Variants in CTNNA2 observed in about 807,000 individuals in gnomAD.
CTNNA2 encodes catenin alpha-2.
Under a neutral mutation model 101.0 loss-of-function variants are expected in CTNNA2, and 42 were observed. That is an observed-to-expected ratio of 0.42 (90% CI 0.32 to 0.54). CTNNA2 has a LOEUF of 0.54. Ranked by LOEUF, CTNNA2 falls within the 20% of genes least tolerant of loss-of-function variation. The pLI is 0.14. For synonymous variants in CTNNA2, 450 were observed against 456.4 expected, an observed-to-expected ratio of 0.99 and a Z score of 0.18; for missense variants, 871 against 1,223.1, an observed-to-expected ratio of 0.71 and a Z score of 4.29.
intron 6 of CTNNA2, among the ~76,000 whole-genome samples, chr2:79,900,172 C>A (rs1211802746): frequency 2.0e-5 from 3 of 152,138 alleles, no homozygotes; most frequent in Non-Finnish European, 2.9e-5. Context: ...CTTTCATTCT[C>A]AATTTTCAGT....
intron 1 of CTNNA2, among the ~76,000 whole-genome samples, chr2:79,559,759 G>A (rs1674660138): frequency 6.6e-6 from 1 of 151,776 alleles, no homozygotes; most frequent in South Asian, 2.1e-4. Context: ...CAGAACTGGA[G>A]ATAAAGACTT....
chr2:79,370,062 T>A (rs576513846), intron 3 of CTNNA2, among the ~76,000 whole-genome samples: 2 of 152,276 alleles, frequency 1.3e-5, no homozygotes, highest in Admixed American at 6.5e-5. Context: ...CCTTGTAGAA[T>A]GTTAAATAGA....
intron 7 of CTNNA2, chr2:80,304,932 G>T: frequency 8.0e-6 from 2 of 248,864 alleles, no homozygotes; most frequent in Non-Finnish European, 1.2e-5. Context: ...AAAAAAAAAG[G>T]AGGGGGGAGG....
At chr2:79,480,571 C>G (rs563595334) in intron 4 of CTNNA2, among the ~76,000 whole-genome samples, 98 of 152,242 alleles carry the variant, frequency 6.4e-4, no homozygotes, top group Non-Finnish European at 1.2e-3. Flanking sequence ...GATGCATCTT[C>G]TACATTTGTT....
At chr2:80,269,642 AT>A (rs989480334) in intron 7 of CTNNA2, among the ~76,000 whole-genome samples, 3 of 151,938 alleles carry the variant, frequency 2.0e-5, no homozygotes, top group East Asian at 1.9e-4. Flanking sequence ...TCAACTATGA[AT>A]TTTTTTTCAA....
chr2:80,562,398 C>A (rs1273006872), intron 12 of CTNNA2, among the ~76,000 whole-genome samples: 2 of 152,038 alleles, frequency 1.3e-5, no homozygotes, highest in East Asian at 3.9e-4. Flanking sequence ...AAGATAAATG[C>A]AAATTAAAAA....
chr2:79,709,515 A>T (rs573677939), intron 2 of CTNNA2, among the ~76,000 whole-genome samples: 1 of 152,112 alleles, frequency 6.6e-6, no homozygotes, highest in Non-Finnish European at 1.5e-5. Flanking sequence ...GGGTGATATG[A>T]TAAAGTACTT....
intron 7 of CTNNA2, among the ~76,000 whole-genome samples, chr2:80,034,326 T>C (rs1234108092): frequency 6.7e-6 from 1 of 150,048 alleles, no homozygotes; most frequent in Non-Finnish European, 1.5e-5. Context: ...CTTAACCATA[T>C]GAAAAATGCT....
At chr2:79,861,365 T>C (rs987330178) in intron 4 of CTNNA2, among the ~76,000 whole-genome samples, 1 of 152,212 alleles carries the variant, frequency 6.6e-6, no homozygotes, top group African/African-American at 2.4e-5. Flanking sequence ...ATTACCTTTT[T>C]CCGCAGCAAC....
intron 9 of CTNNA2, among the ~76,000 whole-genome samples, chr2:80,429,587 C>T (rs1157625534): frequency 2.0e-5 from 3 of 152,150 alleles, no homozygotes; most frequent in East Asian, 1.9e-4. Context: ...CTGATGTTGG[C>T]GTAATTGTAT....
Position 80,245,822 on chromosome 2 carries a change from T to TTTTTG in CTNNA2, c.1057-147388_1057-147387insTTTGT, listed in dbSNP as rs1558937542. Among the ~76,000 whole-genome samples, 399 of 135,526 alleles carry TTTTTG rather than the reference T, an allele frequency of 2.9e-3. 6 individuals are homozygous for TTTTTG. Among genetic ancestry groups the TTTTTG allele is most frequent in the African/African-American group, 0.011 (381 of 34,704 alleles). 88.9% of individuals were successfully genotyped at this position (135,526 alleles called of 152,430 possible). On this transcript the variant is annotated intron_variant, in intron 7 of 18. Transcript: ENST00000402739. ...TTTTTTTTTTTTTTTTTTTTTTTTT[T>TTTTTG]TGCACTCTGTAGCCCAGGCTGGAGT...
intron 12 of CTNNA2, among the ~76,000 whole-genome samples, chr2:80,573,962 A>G (rs1303657370): frequency 6.6e-6 from 1 of 152,124 alleles, no homozygotes; most frequent in East Asian, 1.9e-4. Context: ...TAGAATAACA[A>G]TTGGGAAAGT....
rs150347596 is a variant in CTNNA2, at chr2:80,077,325, G to A, written c.1056+167528G>A. Among the ~76,000 whole-genome samples, 4 of 152,268 alleles carry A rather than the reference G, an allele frequency of 2.6e-5. No homozygotes were observed. The East Asian group carries it at 7.7e-4, about 29-fold the overall frequency. Reference sequence around the variant, plus strand: ...ATTTAGAATGAATTATACATTAATTGTTGTGGCACCTTTATTCATAATAGC... The same window carrying A: ...ATTTAGAATGAATTATACATTAATTATTGTGGCACCTTTATTCATAATAGC... On this transcript the variant is annotated intron_variant, in intron 7 of 18. Coordinates refer to ENST00000402739, the MANE Select transcript of CTNNA2 (RefSeq NM_001282597.3).
intron 2 of CTNNA2, among the ~76,000 whole-genome samples, chr2:79,224,412 C>G (rs1217705197): frequency 6.6e-6 from 1 of 152,100 alleles, no homozygotes; most frequent in Non-Finnish European, 1.5e-5. Flanking sequence ...ATCTATCACC[C>G]AGGTTCCACA....
At chr2:79,646,674 A>AT (rs1198125005) in intron 1 of CTNNA2, among the ~76,000 whole-genome samples, 1 of 151,492 alleles carries the variant, frequency 6.6e-6, no homozygotes. Flanking sequence ...GGACTACAAT[A>AT]TTGTGCCACC....
intron 4 of CTNNA2, among the ~76,000 whole-genome samples, chr2:79,478,223 G>A (rs139218216): frequency 4.1e-4 from 63 of 152,198 alleles, no homozygotes; most frequent in Middle Eastern, 6.8e-3. Context: ...AACCAGCTGC[G>A]TGCTCAACAA....
At chr2:79,374,619 TA>T (rs1468577621) in intron 4 of CTNNA2, among the ~76,000 whole-genome samples, 2 of 152,180 alleles carry the variant, frequency 1.3e-5, no homozygotes, top group African/African-American at 4.8e-5. Context: ...AGATGATGTA[TA>T]TTTTTTATCT....
chr2:79,875,119 T>C (rs1179306943), intron 6 of CTNNA2, among the ~76,000 whole-genome samples: 1 of 152,198 alleles, frequency 6.6e-6, no homozygotes, highest in Non-Finnish European at 1.5e-5. Context: ...TCCTACATTC[T>C]ACACTGGCTG....
At chr2:80,218,095 G>A (rs1708374409) in intron 7 of CTNNA2, among the ~76,000 whole-genome samples, 2 of 152,154 alleles carry the variant, frequency 1.3e-5, no homozygotes, top group Admixed American at 1.3e-4. Flanking sequence ...TCCCAACTTG[G>A]GGATGAGCTG....
Sources: allele counts gnomAD v4.1 joint callset (sites outside exome capture counted in the v4.1 genomes callset), GRCh38; gene constraint gnomAD v4.1.1; transcripts MANE v1.5; gene names NCBI Gene and HGNC (gene_info 2026-07-23, HGNC 2026-07-21).